CEP20: variants seen among roughly 807,000 people sequenced by gnomAD.
CEP20 encodes the protein centrosomal protein 20, also known as FGFR1OP N-terminal like.
Under a neutral mutation model 20.0 loss-of-function variants are expected in CEP20, and 18 were observed. The ratio of observed to expected loss-of-function variants is 0.90; its 90% confidence interval spans 0.62 to 1.34. The LOEUF (loss-of-function observed/expected upper bound fraction) is 1.34, where lower values mean the gene tolerates loss of function less well. Ranked by LOEUF, CEP20 falls within the 40% of genes most tolerant of loss-of-function variation. The pLI, the probability that CEP20 is intolerant of heterozygous loss-of-function variation, is 0.00. For missense variants in CEP20, 215 were observed against 201.6 expected, an observed-to-expected ratio of 1.07 and a Z score of -0.40; for synonymous variants, 77 against 73.7, an observed-to-expected ratio of 1.04 and a Z score of -0.23.
chr16:15,886,827 C>A (rs2157045), intron 1 of CEP20, among the ~76,000 whole-genome samples: 1 of 151,960 alleles, frequency 6.6e-6, no homozygotes, highest in Non-Finnish European at 1.5e-5. Context: ...TAGAACACTG[C>A]GCCATCAAAA....
At chr16:15,885,342 A>C (rs113852473) in intron 1 of CEP20, among the ~76,000 whole-genome samples, 439 of 151,998 alleles carry the variant, frequency 2.9e-3, no homozygotes, top group African/African-American at 9.8e-3. Context: ...AAAAAAAAAA[A>C]CACAAACCTT....
chr16:15,869,450 A>G (rs777335941), intron 4 of CEP20, among the ~76,000 whole-genome samples: 11 of 151,684 alleles, frequency 7.3e-5, no homozygotes, highest in Non-Finnish European at 1.2e-4. Flanking sequence ...AGCTGGGACT[A>G]CAGGCGTACA....
chr16:15,867,656 C>A (rs12599003), intron 4 of CEP20, 140 bp from the exon 5 acceptor site: 28,912 of 541,930 alleles, frequency 0.053, 1,241 homozygotes, highest in East Asian at 0.18. Flanking sequence ...ATGAAAAAAA[C>A]CCATTATTTT....
At chr16:15,880,525 C>G (rs1375194511) in intron 2 of CEP20, among the ~76,000 whole-genome samples, 2 of 152,144 alleles carry the variant, frequency 1.3e-5, no homozygotes, top group Non-Finnish European at 1.5e-5. Flanking sequence ...GATGAGCAAA[C>G]TAGCACAGCC....
intron 1 of CEP20, among the ~76,000 whole-genome samples, chr16:15,887,326 T>C (rs1282635300): frequency 6.6e-6 from 1 of 152,222 alleles, no homozygotes; most frequent in Non-Finnish European, 1.5e-5. Flanking sequence ...TGTTTTATGA[T>C]TGTTCACCAG....
chr16:15,874,787 A>G (rs2151423549), intron 3 of CEP20, among the ~76,000 whole-genome samples: 1 of 152,176 alleles, frequency 6.6e-6, no homozygotes, highest in Non-Finnish European at 1.5e-5. Context: ...TGTGAGCTGA[A>G]CTCACTTCTA....
intron 3 of CEP20, among the ~76,000 whole-genome samples, chr16:15,877,959 C>T (rs530810738): frequency 6.6e-6 from 1 of 152,004 alleles, no homozygotes; most frequent in Admixed American, 6.6e-5. Flanking sequence ...ACTCAGGAGG[C>T]TGAGGCAGAA....
chr16:15,873,675 A>C, intron 3 of CEP20, 48 bp from the exon 4 acceptor site: 1 of 1,561,964 alleles, frequency 6.4e-7, no homozygotes, highest in Middle Eastern at 1.7e-4. Flanking sequence ...ATAAATCTGC[A>C]TAAACGGGAA....
chr16:15,888,424 G>T, intron 1 of CEP20, 134 bp downstream of exon 1: 1 of 1,190,156 alleles, frequency 8.4e-7, no homozygotes, highest in Non-Finnish European at 1.2e-6. Flanking sequence ...GACGCTCCCC[G>T]CAGGCCCTCA....
At position 15,879,666 on chromosome 16, in the gene CEP20, C is replaced by T. The variant is rs185331897; in HGVS notation, c.311+138G>A. On this transcript the variant is annotated intron_variant, in intron 3 of 4. Transcript: ENST00000255759. Reference sequence around the variant, plus strand: ...CAGATCTCATCTGACTTATTCACTGCTGCACACCCTGGATTTAGGACAATG... The same window carrying T: ...CAGATCTCATCTGACTTATTCACTGTTGCACACCCTGGATTTAGGACAATG... 3.3e-5 allele frequency: 20 copies of T among 601,440 alleles called. No homozygotes were observed. The East Asian group carries it at 4.0e-4, about 12-fold the overall frequency. The allele number at this position is 601,440 out of a possible 1,614,324, so 37.3% of individuals were successfully genotyped here.
At chr16:15,887,955 G>A (rs574613035) in intron 1 of CEP20, among the ~76,000 whole-genome samples, 1 of 151,836 alleles carries the variant, frequency 6.6e-6, no homozygotes, top group South Asian at 2.1e-4. Flanking sequence ...AAGAGCCCCT[G>A]TATTCCCACC....
chr16:15,872,287 C>T (rs1175189277), intron 4 of CEP20, among the ~76,000 whole-genome samples: 1 of 151,378 alleles, frequency 6.6e-6, no homozygotes, highest in Non-Finnish European at 1.5e-5. Flanking sequence ...ACACTCTAGC[C>T]TGGGCGACAG....
At chr16:15,879,247 AGTTTTTGTTTTT>A (rs532339028) in intron 3 of CEP20, among the ~76,000 whole-genome samples, 9 of 150,850 alleles carry the variant, frequency 6.0e-5, no homozygotes, top group Middle Eastern at 3.2e-3. Context: ...GGAAGTTCAT[AGTTTTTGTTTTT>A]GTTTTTGTTT....
intron 4 of CEP20, among the ~76,000 whole-genome samples, chr16:15,870,354 T>C (rs7190739): frequency 0.067 from 10,142 of 152,230 alleles, 456 homozygotes; most frequent in East Asian, 0.22. Flanking sequence ...ACTCAGAAAC[T>C]CATATTGTCA....
At chr16:15,869,163 C>T (rs988704574) in intron 4 of CEP20, among the ~76,000 whole-genome samples, 1 of 151,920 alleles carries the variant, frequency 6.6e-6, no homozygotes, top group African/African-American at 2.4e-5. Flanking sequence ...ATTACAAGCA[C>T]TAACAGCAGC....
chr16:15,880,672 C>G (rs1212793511), intron 2 of CEP20, among the ~76,000 whole-genome samples: 1 of 152,128 alleles, frequency 6.6e-6, no homozygotes, highest in Non-Finnish European at 1.5e-5. Flanking sequence ...ACCCCCGAGC[C>G]ACAGATTAGA....
intron 1 of CEP20, among the ~76,000 whole-genome samples, chr16:15,884,532 C>T (rs1294821442): frequency 3.3e-5 from 5 of 152,068 alleles, no homozygotes; most frequent in Non-Finnish European, 4.4e-5. Flanking sequence ...GACACAGTCT[C>T]GCTCTTTCAC....
In CEP20 at chr16:15,872,380, T is replaced by A. The variant is rs113823233; in HGVS notation, c.448+1111A>T. Among the ~76,000 whole-genome samples the A allele has an allele frequency of 5.2e-3, 783 of 151,856 alleles. 3 individuals carry two copies. The highest frequency in any genetic ancestry group is 0.027 in the Middle Eastern group (8 of 294). On this transcript the variant is annotated intron_variant, in intron 4 of 4. Coordinates refer to ENST00000255759, the MANE Select transcript of CEP20 (RefSeq NM_144600.4). ...AACACTGAGCTATAACCCACTCAAT[T>A]CAAATGGTGAAAATGGGATCCCATT...
In CEP20 at chr16:15,888,575, A is replaced by G. The variant is rs2045304204; in HGVS notation, c.11T>C (p.Val4Ala). The part of the protein sequence containing the change: MAT[V>A]AELKAVLKDT... ...GCACTCACCAGCCTTCAACTCTGCC[A>G]CAGTCGCCATTTTTCAACGGCCGCC... Residue 4 changes from valine (V) to alanine (A), a missense_variant, in exon 1 of 5, where the codon GTG becomes GCG. Coordinates refer to ENST00000255759, the MANE Select transcript of CEP20 (RefSeq NM_144600.4). 1 of 1,614,070 alleles carries G rather than the reference A, an allele frequency of 6.2e-7. No homozygotes were observed. Among genetic ancestry groups the G allele is most frequent in the African/African-American group, 1.3e-5 (1 of 75,034 alleles).
Sources: gnomAD v4.1 joint callset for allele counts (sites outside exome capture counted in the v4.1 genomes callset) on GRCh38, gnomAD v4.1.1 for gene constraint, MANE v1.5 for transcripts, NCBI Gene and HGNC (gene_info 2026-07-23, HGNC 2026-07-21) for gene names.